Variants in MSRA observed in about 807,000 individuals in gnomAD.
MSRA encodes the protein methionine sulfoxide reductase A.
A neutral mutation model predicts 31.3 loss-of-function variants in MSRA; 54 were observed. The observed-to-expected ratio is 1.73, with a 90% CI of 1.39 to 2.17. The LOEUF (loss-of-function observed/expected upper bound fraction) is 2.17, where lower values mean the gene tolerates loss of function less well. Ranked by LOEUF, MSRA falls within the 30% of genes most tolerant of loss-of-function variation. MSRA has a pLI of 0.00. For synonymous variants in MSRA, 169 were observed against 116.5 expected (o/e 1.45, Z -2.90); for missense variants, 507 against 300.9 (o/e 1.69, Z -5.07).
At chr8:10,309,450 C>G (rs1489205230) in intron 4 of MSRA, among the ~76,000 whole-genome samples, 2 of 152,240 alleles carry the variant, frequency 1.3e-5, no homozygotes, top group Non-Finnish European at 2.9e-5. Context: ...TTTCGTGAAT[C>G]CCAGTATTTG....
At chr8:10,112,842 G>A (rs1800385691) in intron 1 of MSRA, among the ~76,000 whole-genome samples, 1 of 152,160 alleles carries the variant, frequency 6.6e-6, no homozygotes, top group Admixed American at 6.6e-5. Flanking sequence ...CATTGCTGCA[G>A]CCATTCCTTG....
At chr8:10,244,236 G>A (rs531023024) in intron 2 of MSRA, among the ~76,000 whole-genome samples, 2 of 152,284 alleles carry the variant, frequency 1.3e-5, no homozygotes, top group East Asian at 3.9e-4. Flanking sequence ...CTAGAAGTGG[G>A]CCATAGAACA....
intron 3 of MSRA, among the ~76,000 whole-genome samples, chr8:10,294,219 ATAAT>A (rs1275112244): frequency 6.6e-6 from 1 of 152,178 alleles, no homozygotes; most frequent in Non-Finnish European, 1.5e-5. Context: ...AAATAAATAA[ATAAT>A]TTTTAAAAAG....
chr8:10,299,952 C>G (rs1324004577), intron 3 of MSRA, among the ~76,000 whole-genome samples: 1 of 152,208 alleles, frequency 6.6e-6, no homozygotes, highest in Admixed American at 6.5e-5. Flanking sequence ...ATATTTCAGT[C>G]TAATTGCCCA....
At chr8:10,150,934 C>T (rs552200043) in intron 1 of MSRA, among the ~76,000 whole-genome samples, 3 of 152,168 alleles carry the variant, frequency 2.0e-5, no homozygotes, top group East Asian at 3.9e-4. Context: ...TGGACAGACC[C>T]GTGTCGCTCC....
At chr8:10,092,919 G>A (rs1054255680) in intron 1 of MSRA, among the ~76,000 whole-genome samples, 1 of 152,104 alleles carries the variant, frequency 6.6e-6, no homozygotes, top group African/African-American at 2.4e-5. Context: ...AATTAACCCT[G>A]TTAGCATTAT....
At chr8:10,347,265 A>C (rs1803841187) in intron 5 of MSRA, among the ~76,000 whole-genome samples, 1 of 152,082 alleles carries the variant, frequency 6.6e-6, no homozygotes. Context: ...ATGAATACCA[A>C]ATACAGCCTG....
intron 1 of MSRA, among the ~76,000 whole-genome samples, chr8:10,191,254 G>C (rs914711429): frequency 2.0e-5 from 3 of 152,068 alleles, no homozygotes; most frequent in Non-Finnish European, 4.4e-5. Flanking sequence ...TTTTACTTCT[G>C]TCTAGTCAGA....
At chr8:10,205,536 T>C (rs1266968555) in intron 1 of MSRA, among the ~76,000 whole-genome samples, 7 of 152,154 alleles carry the variant, frequency 4.6e-5, no homozygotes, top group South Asian at 2.1e-4. Flanking sequence ...GCACTTTGGA[T>C]TGTGAACATG....
chr8:10,091,529 G>C (rs938616287), intron 1 of MSRA, among the ~76,000 whole-genome samples: 1 of 151,822 alleles, frequency 6.6e-6, no homozygotes, highest in African/African-American at 2.4e-5. Flanking sequence ...GAACATGGGA[G>C]TACACATTGT....
intron 2 of MSRA, among the ~76,000 whole-genome samples, chr8:10,219,223 C>T (rs1810266672): frequency 6.6e-6 from 1 of 152,172 alleles, no homozygotes; most frequent in South Asian, 2.1e-4. Flanking sequence ...GCCATTTCAC[C>T]TGGAGCGCTT....
At chr8:10,129,513 C>T (rs1171923639) in intron 1 of MSRA, among the ~76,000 whole-genome samples, 1 of 152,102 alleles carries the variant, frequency 6.6e-6, no homozygotes, top group Non-Finnish European at 1.5e-5. Context: ...CCTGCAGCCT[C>T]TGATGCAGGG....
intron 1 of MSRA, among the ~76,000 whole-genome samples, chr8:10,171,527 CT>C (rs1805588120): frequency 6.6e-6 from 1 of 152,216 alleles, no homozygotes; most frequent in Admixed American, 6.5e-5. Context: ...GTAACTGTTA[CT>C]ACTGAGTAAA....
chr8:10,233,166 T>G (rs1811636719), intron 2 of MSRA, among the ~76,000 whole-genome samples: 1 of 152,204 alleles, frequency 6.6e-6, no homozygotes, highest in South Asian at 2.1e-4. Context: ...CCAGGCCCTC[T>G]GGGTTTTACC....
chr8:10,426,549 G>A (rs1349970382), intron 5 of MSRA, among the ~76,000 whole-genome samples: 4 of 152,166 alleles, frequency 2.6e-5, no homozygotes, highest in Admixed American at 6.5e-5. Flanking sequence ...CTTCTTTTAC[G>A]TAGCCTGCCA....
At chr8:10,214,365 T>G (rs1243521616) in intron 2 of MSRA, among the ~76,000 whole-genome samples, 1 of 152,102 alleles carries the variant, frequency 6.6e-6, no homozygotes, top group Non-Finnish European at 1.5e-5. Context: ...AGAAATCGTT[T>G]CCTGTCTGAC....
intron 1 of MSRA, among the ~76,000 whole-genome samples, chr8:10,065,720 G>A (rs1037184303): frequency 1.3e-5 from 2 of 152,176 alleles, no homozygotes; most frequent in African/African-American, 4.8e-5. Context: ...TTCATTTTGC[G>A]TGTACATTTG....
rs115703759 is a variant in MSRA, at chr8:10,209,433, C to A, written c.211+1532C>A. Among the ~76,000 whole-genome samples, 462 of 152,324 alleles carry A rather than the reference C, an allele frequency of 3.0e-3. 3 individuals carry two copies. The highest frequency in any genetic ancestry group is 0.01 in the African/African-American group (436 of 41,570). ...GAAGTAAAACTTCTTTCTTGAAGGG[C>A]AGATTCAGTACCAGATGGGCTGATG... On this transcript the variant is annotated intron_variant, in intron 2 of 5. Coordinates refer to ENST00000317173, the MANE Select transcript of MSRA (RefSeq NM_012331.5).
intron 2 of MSRA, among the ~76,000 whole-genome samples, chr8:10,216,677 C>T (rs1446425399): frequency 6.6e-6 from 1 of 152,204 alleles, no homozygotes; most frequent in Non-Finnish European, 1.5e-5. Flanking sequence ...GCAGTATTTA[C>T]CCTTTTGTGA....
Sources: allele counts gnomAD v4.1 joint callset (sites outside exome capture counted in the v4.1 genomes callset), GRCh38; gene constraint gnomAD v4.1.1; transcripts MANE v1.5; gene names NCBI Gene and HGNC (gene_info 2026-07-23, HGNC 2026-07-21).